The following ARID1A variants were observed in gnomAD, a reference collection of about 807,000 sequenced individuals.
The protein encoded by ARID1A is AT-rich interaction domain 1A, also known as AT-rich interactive domain-containing protein 1A.
ARID1A carries 20 observed loss-of-function variants against 212.6 expected under a neutral mutation model. The ratio of observed to expected loss-of-function variants is 0.09; its 90% CI spans 0.07 to 0.14. The LOEUF (loss-of-function observed/expected upper bound fraction) is 0.14. ARID1A is among the 10% of genes least tolerant of loss of function. ARID1A has a pLI of 1.00. For synonymous variants in ARID1A, 1,376 were observed against 1,222.1 expected (o/e 1.13, Z -2.63); for missense variants, 2,587 against 3,059.0 (o/e 0.85, Z 3.64).
chr1:26,759,499 C>T (rs575033089), intron 4 of ARID1A, among the ~76,000 whole-genome samples: 4 of 152,280 alleles, frequency 2.6e-5, no homozygotes, highest in South Asian at 2.1e-4. Context: ...TGAGCCACTG[C>T]GCGTGGCCCA....
intron 8 of ARID1A, chr1:26,765,698 C>T (rs2081033172): frequency 6.6e-6 from 1 of 151,326 alleles, no homozygotes; most frequent in South Asian, 2.1e-4. Flanking sequence ...AAGCCCATCT[C>T]TACTAAAAAT....
intron 4 of ARID1A, among the ~76,000 whole-genome samples, chr1:26,759,759 A>T (rs1347310113): frequency 2.0e-5 from 3 of 152,246 alleles, no homozygotes; most frequent in Admixed American, 2.0e-4. Flanking sequence ...GCCTACAAAC[A>T]AATACCAAGT....
At position 26,774,115 on chromosome 1, in the gene ARID1A, G is replaced by C. The variant is rs1267636332; in HGVS notation, c.4102-214G>C. The C allele has an allele frequency of 8.8e-7, 1 of 1,141,762 alleles. No individual in the cohort carries two copies. The highest frequency in any genetic ancestry group is 1.2e-6 in the Non-Finnish European group (1 of 832,138). The allele number at this position is 1,141,762 out of a possible 1,614,324, so 70.7% of individuals were successfully genotyped here. ...GAAATAGACCTTATTTTGATTTTTA[G>C]GTTTTGTATATTTTTCTACTTAAGC... On this transcript the variant is annotated intron_variant, in intron 17 of 19. Coordinates refer to ENST00000324856, the MANE Select transcript of ARID1A (RefSeq NM_006015.6). This position sits in a 1 kb window ranked among gnomAD's most constrained non-coding sequence, Gnocchi z 5.6.
intron 19 of ARID1A, chr1:26,778,068 CA>C (rs35541790): frequency 3.3e-3 from 332 of 101,106 alleles, no homozygotes; most frequent in Middle Eastern, 5.1e-3. Context: ...GACTCTGTCT[CA>C]AAAAAAAAAA....
rs1041026836 is a variant in ARID1A at position 26,697,006 on chromosome 1, C to T, written c.603C>T (p.Asn201=). 1 of 1,531,528 alleles carries T rather than the reference C, an allele frequency of 6.5e-7. No individual in the cohort carries two copies. The highest frequency in any genetic ancestry group is 2.7e-5 in the East Asian group (1 of 36,434). The allele number at this position is 1,531,528 out of a possible 1,614,324, so 94.9% of individuals were successfully genotyped here. A position where few individuals can be genotyped will look rare whatever the true frequency, so the allele number is the denominator to read the frequency against. ...GLEPYAGPQQ[N]SHDHGFPNHQ... ...AGCCCTACGCGGGGCCCCAGCAGAACTCTCACGACCACGGCTTCCCCAACC... is the reference window on the plus strand; with the variant it reads ...AGCCCTACGCGGGGCCCCAGCAGAATTCTCACGACCACGGCTTCCCCAACC... The change falls in exon 1 of 20, where the codon AAC becomes AAT. Residue 201 remains asparagine, a synonymous_variant. Transcript: ENST00000324856.
intron 4 of ARID1A, among the ~76,000 whole-genome samples, chr1:26,747,163 T>C (rs758014080): frequency 1.3e-5 from 2 of 152,238 alleles, no homozygotes; most frequent in East Asian, 1.9e-4. Context: ...GAAATCGATA[T>C]GTATTCTGTT....
Position 26,696,147 on chromosome 1 carries a change from A to T in ARID1A, c.-257A>T. 4.2e-6 allele frequency: 2 copies of T among 480,626 alleles called. No homozygotes were observed. The highest frequency in any genetic ancestry group is 5.9e-6 in the Non-Finnish European group (2 of 336,566). The allele number at this position is 480,626 out of a possible 1,614,324, so 29.8% of individuals were successfully genotyped here. On this transcript the variant is annotated 5_prime_UTR_variant, in exon 1 of 20. Coordinates refer to ENST00000324856, the MANE Select transcript of ARID1A (RefSeq NM_006015.6). ...GCCGGGAGAGCCGGGTCCCGAGCCT[A>T]CAGAGCCGGGAGCAGCTGAGCCGCC...
intron 1 of ARID1A, among the ~76,000 whole-genome samples, chr1:26,716,814 C>T (rs1349442380): frequency 1.3e-5 from 2 of 152,016 alleles, no homozygotes; most frequent in Non-Finnish European, 2.9e-5. Flanking sequence ...TTAGTAGAGA[C>T]AGGGTTTTCC....
intron 1 of ARID1A, among the ~76,000 whole-genome samples, chr1:26,725,489 A>C (rs1029107146): frequency 6.6e-6 from 1 of 152,226 alleles, no homozygotes; most frequent in African/African-American, 2.4e-5. Context: ...GATCAGAATA[A>C]TCTGATTGTT....
rs2124082440 is a variant in ARID1A, at chr1:26,766,584, G to A, written c.2988+18G>A. On this transcript the variant is annotated intron_variant, in intron 10 of 19. Transcript: ENST00000324856. ...AATCCAAGGTAGTGATTTTTGTCTT[G>A]ACTCCTTTCAACTTTGTGTCCTATC... 6.3e-7 allele frequency: 1 copy of A among 1,590,128 alleles called. No homozygotes were observed. Among genetic ancestry groups the A allele is most frequent in the Non-Finnish European group, 8.6e-7 (1 of 1,166,978 alleles).
rs1244527183 is a variant in ARID1A, at chr1:26,771,302, C to G, written c.3382C>G (p.Pro1128Ala). 6.2e-7 allele frequency: 1 copy of G among 1,614,188 alleles called. No individual in the cohort carries two copies. The highest frequency in any genetic ancestry group is 1.3e-5 in the African/African-American group (1 of 75,034). Reference sequence around the variant, plus strand: ...AGCTGCTGATTCCAAGAAGTCCCAGCCCAAGATCCAGCCTCCCTCTCCTGG... The same window carrying G: ...AGCTGCTGATTCCAAGAAGTCCCAGGCCAAGATCCAGCCTCCCTCTCCTGG... ...FAAADSKKSQ[P>A]KIQPPSPAGS... Residue 1128 changes from proline (P) to alanine (A), a missense_variant, in exon 12 of 20, where the codon CCC becomes GCC. Pro to Ala is a conservative substitution (Grantham distance 27). Transcript: ENST00000324856. The surrounding 1 kb of genome is among the most constrained non-coding windows in gnomAD (Gnocchi z 5.4).
At chr1:26,762,823 C>G in intron 7 of ARID1A, 150 bp from the exon 8 acceptor site, 1 of 812,942 alleles carries the variant, frequency 1.2e-6, no homozygotes, top group Admixed American at 3.2e-5. Flanking sequence ...TGGAATCCCC[C>G]CCTTTTTCTC....
chr1:26,705,883 A>G (rs1294827720), intron 1 of ARID1A, among the ~76,000 whole-genome samples: 2 of 152,150 alleles, frequency 1.3e-5, no homozygotes, highest in Non-Finnish European at 2.9e-5. Context: ...TGCATTTTCT[A>G]AGGGTGGACT....
chr1:26,746,703 A>G (rs919239984), intron 4 of ARID1A, among the ~76,000 whole-genome samples: 4 of 152,192 alleles, frequency 2.6e-5, no homozygotes, highest in African/African-American at 9.7e-5. Flanking sequence ...ACCATCCTGG[A>G]CAACATGGTG....
In ARID1A at chr1:26,774,026, T is replaced by TAC; in HGVS notation, c.4101+128_4101+129insAC. The stretch of plus-strand genomic sequence containing the variant: ...TTTTGGCATTCTTCTCTCACCTGAC[T>TAC]GGCCAGTCCTGCCTGAAGAGCCACG... On this transcript the variant is annotated intron_variant, in intron 17 of 19. Coordinates refer to ENST00000324856, the MANE Select transcript of ARID1A (RefSeq NM_006015.6). The surrounding 1 kb of genome is among the most constrained non-coding windows in gnomAD (Gnocchi z 5.6). 1 of 1,259,944 alleles carries TAC rather than the reference T, an allele frequency of 7.9e-7. No homozygotes were observed. Among genetic ancestry groups the TAC allele is most frequent in the Non-Finnish European group, 1.1e-6 (1 of 898,292 alleles). 78.0% of individuals were successfully genotyped at this position (1,259,944 alleles called of 1,614,324 possible). A position where few individuals can be genotyped will look rare whatever the true frequency, so the allele number is the denominator to read the frequency against.
intron 8 of ARID1A, among the ~76,000 whole-genome samples, chr1:26,763,919 G>A (rs936973922): frequency 1.5e-4 from 23 of 152,090 alleles, no homozygotes; most frequent in Admixed American, 2.0e-4. Flanking sequence ...CTTCTGAGTA[G>A]TTGGGACTAC....
rs1553146186 is a variant in ARID1A, at chr1:26,697,420, TGCGGCGGCGGCAGCTGCG to T, written c.1026_1043del (p.Ala344_Ala349del). 8 of 1,345,166 alleles carry T rather than the reference TGCGGCGGCGGCAGCTGCG, an allele frequency of 5.9e-6. No individual in the cohort carries two copies. The highest frequency in any genetic ancestry group is 1.6e-5 in the African/African-American group (1 of 64,474). 83.3% of individuals were successfully genotyped at this position (1,345,166 alleles called of 1,614,324 possible). A position where few individuals can be genotyped will look rare whatever the true frequency, so the allele number is the denominator to read the frequency against. Reference sequence around the variant, plus strand: ...ACATGGCCTCGCAGTGTTGGGGGGCTGCGGCGGCGGCAGCTGCGGCGGCGGCCGCCTCGGGAGGGGCCC... The same window carrying T: ...ACATGGCCTCGCAGTGTTGGGGGGCTGCGGCGGCCGCCTCGGGAGGGGCCC... On this transcript the variant is annotated inframe_deletion, in exon 1 of 20. Coordinates refer to ENST00000324856, the MANE Select transcript of ARID1A (RefSeq NM_006015.6).
At chr1:26,767,545 AAT>A (rs1455440759) in intron 10 of ARID1A, among the ~76,000 whole-genome samples, 2 of 152,216 alleles carry the variant, frequency 1.3e-5, no homozygotes, top group Admixed American at 1.3e-4. Flanking sequence ...TATAATACCT[AAT>A]ATATAAAGGC....
intron 4 of ARID1A, among the ~76,000 whole-genome samples, chr1:26,746,016 A>AC (rs35361141): frequency 0.059 from 8,947 of 152,252 alleles, 325 homozygotes; most frequent in Non-Finnish European, 0.08. Context: ...GTGCCACTGC[A>AC]CTCCAGTCTG....
Sources: allele counts gnomAD v4.1 joint callset (sites outside exome capture counted in the v4.1 genomes callset), GRCh38; gene constraint gnomAD v4.1.1; non-coding constraint Gnocchi (gnomAD v3.1); transcripts MANE v1.5; gene names NCBI Gene and HGNC (gene_info 2026-07-23, HGNC 2026-07-21).